Variants in GRIP2 observed in about 807,000 individuals in gnomAD.
GRIP2 encodes glutamate receptor-interacting protein 2.
GRIP2 carries 58 observed loss-of-function variants against 108.3 expected under a neutral mutation model. The ratio of observed to expected loss-of-function variants is 0.54; its 90% CI spans 0.43 to 0.67. The LOEUF is 0.67. GRIP2 is among the 30% of genes least tolerant of loss of function. The pLI, the probability that GRIP2 is intolerant of heterozygous loss-of-function variation, is 0.00. For missense variants in GRIP2, 1,278 were observed against 1,430.6 expected (o/e 0.89, Z 1.72); for synonymous variants, 586 against 598.2 (o/e 0.98, Z 0.30).
the GRIP2 span, among the ~76,000 whole-genome samples, chr3:14,572,317 T>A: frequency 2.6e-5 from 4 of 151,566 alleles, no homozygotes; most frequent in South Asian, 8.3e-4. Flanking sequence ...GAGGTGGTCG[T>A]CAAGACACAA....
the GRIP2 span, among the ~76,000 whole-genome samples, chr3:14,593,095 T>A: frequency 6.6e-6 from 1 of 152,138 alleles, no homozygotes; most frequent in Non-Finnish European, 1.5e-5. Flanking sequence ...ACTAATGTCA[T>A]CCCCAACCCA....
At chr3:14,496,608 T>A (rs767919033) in intron 21 of GRIP2, 48 bp from the exon 22 acceptor site, 3 of 1,563,664 alleles carry the variant, frequency 1.9e-6, no homozygotes, top group African/African-American at 1.3e-5. Context: ...GCTTGCCCCA[T>A]CAGGCAGTCA....
rs1701353559 is a variant in GRIP2, at chr3:14,492,259, C to T, written c.*1406G>A. 6.6e-6 allele frequency: 1 copy of T among 152,242 alleles called. No individual in the cohort carries two copies. The highest frequency in any genetic ancestry group is 1.5e-5 in the Non-Finnish European group (1 of 68,078). The allele number at this position is 152,242 out of a possible 1,614,324, so 9.4% of individuals were successfully genotyped here. On this transcript the variant is annotated 3_prime_UTR_variant, in exon 24 of 24. Coordinates refer to ENST00000621039, the MANE Select transcript of GRIP2 (RefSeq NM_001080423.4). ...ATCTGTTCCCTCAAATGGAAGAGCACTTTTCTGGCCTCCAGGGACCCCAGG... is the reference window on the plus strand; with the variant it reads ...ATCTGTTCCCTCAAATGGAAGAGCATTTTTCTGGCCTCCAGGGACCCCAGG...
At chr3:14,495,390 T>C (rs1245783102) in intron 22 of GRIP2, among the ~76,000 whole-genome samples, 3 of 152,062 alleles carry the variant, frequency 2.0e-5, no homozygotes, top group South Asian at 2.1e-4. Flanking sequence ...CATATCTTTT[T>C]TGTTGTTGTT....
At chr3:14,573,844 A>C in the GRIP2 span, 13 of 1,443,092 alleles carry the variant, frequency 9.0e-6, no homozygotes, top group African/African-American at 1.4e-5. Context: ...CACTTCACCC[A>C]CATTGCCAGC....
chr3:14,573,480 T>C, the GRIP2 span: 66 of 1,543,866 alleles, frequency 4.3e-5, no homozygotes, highest in Middle Eastern at 1.7e-4. Context: ...CACCTCAGGG[T>C]TGAGGAAAGG....
Position 14,521,818 on chromosome 3 carries a change from C to G in GRIP2, c.567-31G>C. 1 of 1,545,932 alleles carries G rather than the reference C, an allele frequency of 6.5e-7. No homozygotes were observed. On this transcript the variant is annotated intron_variant, in intron 6 of 23. Coordinates refer to ENST00000621039, the MANE Select transcript of GRIP2 (RefSeq NM_001080423.4). The surrounding 1 kb of genome is among the most constrained non-coding windows in gnomAD (Gnocchi z 5.1). ...GGGAAGGGCCAGTCACCAGCCTGGC[C>G]CGGCAGCAGCACTGGGCACAGCCTG... is the stretch of plus-strand genomic sequence containing the variant.
At chr3:14,509,570 C>T (rs1694025949) in intron 17 of GRIP2, among the ~76,000 whole-genome samples, 1 of 152,262 alleles carries the variant, frequency 6.6e-6, no homozygotes, top group Non-Finnish European at 1.5e-5. Flanking sequence ...ATGCACACAC[C>T]TTGGCCCAGT....
chr3:14,554,552 T>C (rs932441581), intron 1 of GRIP2, among the ~76,000 whole-genome samples: 2 of 152,032 alleles, frequency 1.3e-5, no homozygotes, highest in Non-Finnish European at 2.9e-5. Context: ...AGCTGCTCTG[T>C]CTCTGTGGAC....
intron 1 of GRIP2, among the ~76,000 whole-genome samples, chr3:14,534,447 A>T (rs1381569291): frequency 6.6e-6 from 1 of 152,092 alleles, no homozygotes; most frequent in Admixed American, 6.5e-5. Context: ...ATGCTTAGAG[A>T]TGAAGGCTTT....
the GRIP2 span, among the ~76,000 whole-genome samples, chr3:14,595,760 C>A: frequency 3.3e-5 from 5 of 152,244 alleles, no homozygotes; most frequent in Non-Finnish European, 7.3e-5. Flanking sequence ...ACCAGCAGCT[C>A]CGGCCAAGCC....
At position 14,517,892 on chromosome 3, in the gene GRIP2, C is replaced by A. The variant is rs902943044; in HGVS notation, c.1036G>T (p.Val346Leu). 1.9e-6 allele frequency: 3 copies of A among 1,565,692 alleles called. No homozygotes were observed. The highest frequency in any genetic ancestry group is 2.6e-6 in the Non-Finnish European group (3 of 1,154,762). Residue 346 changes from valine (V) to leucine (L), a missense_variant, in exon 10 of 24, where the codon GTG becomes TTG. Physicochemically the swap from Val to Leu is conservative, Grantham distance 32. Coordinates refer to ENST00000621039, the MANE Select transcript of GRIP2 (RefSeq NM_001080423.4). ...RPLRPSEAVKVQRSEQLHRWD... is the reference protein window; with the variant it reads ...RPLRPSEAVKLQRSEQLHRWD... ...CGGTGCAGCTGCTCACTCCTCTGCACTTTCACTGTAGCCAGCGGAGAAAGA... is the reference window on the plus strand; with the variant it reads ...CGGTGCAGCTGCTCACTCCTCTGCAATTTCACTGTAGCCAGCGGAGAAAGA...
At chr3:14,515,670 G>C (rs1205210435) in intron 11 of GRIP2, among the ~76,000 whole-genome samples, 5 of 151,988 alleles carry the variant, frequency 3.3e-5, no homozygotes, top group African/African-American at 9.7e-5. Context: ...AAGTCTCACT[G>C]TGTCGCCCAG....
chr3:14,536,441 C>A (rs1204465543), intron 1 of GRIP2, among the ~76,000 whole-genome samples: 1 of 152,180 alleles, frequency 6.6e-6, no homozygotes, highest in Non-Finnish European at 1.5e-5. Context: ...GCAACAGACC[C>A]CAAATGAGAA....
chr3:14,555,411 C>A (rs1695221676), intron 1 of GRIP2, among the ~76,000 whole-genome samples: 1 of 152,012 alleles, frequency 6.6e-6, no homozygotes, highest in South Asian at 2.1e-4. Flanking sequence ...GAAGGAGACA[C>A]ACAGGAAAGT....
the GRIP2 span, among the ~76,000 whole-genome samples, chr3:14,591,923 G>A: frequency 1.3e-5 from 2 of 152,250 alleles, no homozygotes; most frequent in African/African-American, 2.4e-5. Context: ...AGCAGCAGCA[G>A]CCTCTCGGGC....
chr3:14,592,937 G>A, the GRIP2 span, among the ~76,000 whole-genome samples: 1 of 152,118 alleles, frequency 6.6e-6, no homozygotes, highest in South Asian at 2.1e-4. Context: ...CATCTGACTC[G>A]TGCCCTTCTC....
chr3:14,561,907 A>G, the GRIP2 span, among the ~76,000 whole-genome samples: 1 of 152,160 alleles, frequency 6.6e-6, no homozygotes, highest in Non-Finnish European at 1.5e-5. Flanking sequence ...TCATCCATCC[A>G]TCTCTCCATC....
At chr3:14,541,972 G>A, upstream of GRIP2, 1 of 1,351,738 alleles carries the variant, frequency 7.4e-7, no homozygotes, top group Non-Finnish European at 9.9e-7. Flanking sequence ...AGCAGTCTTA[G>A]CTTCAACCAC....
Sources: allele counts gnomAD v4.1 joint callset (sites outside exome capture counted in the v4.1 genomes callset), GRCh38; gene constraint gnomAD v4.1.1; non-coding constraint Gnocchi (gnomAD v3.1); transcripts MANE v1.5; gene names NCBI Gene and HGNC (gene_info 2026-07-23, HGNC 2026-07-21).